Variants in CHGA observed in about 807,000 individuals in gnomAD.
CHGA encodes chromogranin-A.
In CHGA, 41 loss-of-function variants were observed where a neutral mutation model predicts 54.4. The observed-to-expected ratio is 0.75, with a 90% CI of 0.59 to 0.98. The LOEUF is 0.98. CHGA is among the 50% of genes least tolerant of loss of function. The probability of loss-of-function intolerance (pLI) is 0.00; values close to 1 mark genes in which losing one functional copy is unlikely to be tolerated. For synonymous variants in CHGA, 249 were observed against 232.8 expected, an observed-to-expected ratio of 1.07 and a Z score of -0.63; for missense variants, 576 against 582.3, an observed-to-expected ratio of 0.99 and a Z score of 0.11.
intron 4 of CHGA, among the ~76,000 whole-genome samples, 199 bp downstream of exon 4, chr14:92,927,817 G>A (rs1886917418): frequency 6.6e-6 from 1 of 152,234 alleles, no homozygotes; most frequent in South Asian, 2.1e-4. Context: ...GAGAGGTTGA[G>A]TGACTTGTCC....
intron 5 of CHGA, 81 bp from the exon 6 acceptor site, chr14:92,931,169 T>C (rs1886985596): frequency 1.6e-5 from 22 of 1,396,238 alleles, no homozygotes; most frequent in East Asian, 2.3e-5. Context: ...ACATAATGAG[T>C]AACATCTGAA....
chr14:92,932,776 G>A lies in CHGA; in HGVS notation c.1215G>A (p.Ala405=), dbSNP rs367630935. 2.0e-5 allele frequency: 32 copies of A among 1,590,506 alleles called. No homozygotes were observed. Among genetic ancestry groups the A allele is most frequent in the Admixed American group, 1.4e-4 (8 of 57,530 alleles). The change falls in exon 7 of 8, where the codon GCG becomes GCA. Residue 405 remains alanine, a synonymous_variant. Transcript: ENST00000216492. This position sits in a 1 kb window ranked among gnomAD's most constrained non-coding sequence, Gnocchi z 5.3. ...RPSSREDSLE[A]GLPLQVRGYP... ...CCTCCCGGGAGGACAGCCTTGAGGC[G>A]GGCCTGCCCCTCCAGGTCCGAGGCT...
chr14:92,930,578 C>T (rs1452163416), intron 5 of CHGA, among the ~76,000 whole-genome samples: 1 of 152,228 alleles, frequency 6.6e-6, no homozygotes, highest in African/African-American at 2.4e-5. Flanking sequence ...GGGTTCCAGG[C>T]TCAGCTCTGC....
intron 2 of CHGA, 114 bp from the exon 3 acceptor site, chr14:92,926,491 C>T (rs961404968): frequency 8.6e-6 from 7 of 815,518 alleles, no homozygotes; most frequent in Admixed American, 8.2e-5. Flanking sequence ...ATCATGGACT[C>T]CCAAAGACAA....
At chr14:92,922,816 G>T (rs1251962965), upstream of CHGA, among the ~76,000 whole-genome samples, 1 of 152,206 alleles carries the variant, frequency 6.6e-6, no homozygotes, top group Non-Finnish European at 1.5e-5. Context: ...TGCTAGCGCT[G>T]CCAGGGACCT....
At position 92,929,766 on chromosome 14, in the gene CHGA, T is replaced by C. The variant is rs1327908439; in HGVS notation, c.306T>C (p.Asp102=). The change falls in exon 5 of 8, where the codon GAT becomes GAC. Residue 102 remains aspartate, a synonymous_variant. Transcript: ENST00000216492. ...HQQKKHSGFE[D]ELSEVLENQS... ...AGAAGAAACACAGCGGTTTTGAAGA[T>C]GAACTCTCAGAGGTTCTTGAGAACC... 3.7e-6 allele frequency: 6 copies of C among 1,613,638 alleles called. No homozygotes were observed. Among genetic ancestry groups the C allele is most frequent in the Non-Finnish European group, 3.4e-6 (4 of 1,180,036 alleles).
rs534568059 is a variant in CHGA at position 92,932,527 on chromosome 14, C to T, written c.966C>T (p.Ser322=). 25 of 1,553,546 alleles carry T rather than the reference C, an allele frequency of 1.6e-5. No homozygotes were observed. The highest frequency in any genetic ancestry group is 1.1e-4 in the African/African-American group (8 of 73,376). The change falls in exon 7 of 8, where the codon AGC becomes AGT. Residue 322 remains serine, a synonymous_variant. Coordinates refer to ENST00000216492, the MANE Select transcript of CHGA (RefSeq NM_001275.4). This position sits in a 1 kb window ranked among gnomAD's most constrained non-coding sequence, Gnocchi z 5.3. The part of the protein sequence containing the change: ...VPQGLFRGGK[S]GELEQEEERL... Reference sequence around the variant, plus strand: ...AAGGCCTCTTCCGGGGTGGGAAGAGCGGAGAGCTGGAGCAGGAGGAGGAGC... The same window carrying T: ...AAGGCCTCTTCCGGGGTGGGAAGAGTGGAGAGCTGGAGCAGGAGGAGGAGC...
Position 92,932,141 on chromosome 14 carries a change from C to T in CHGA, c.809-229C>T, listed in dbSNP as rs1249401246. The T allele has an allele frequency of 3.8e-6, 2 of 531,116 alleles. No individual in the cohort carries two copies. The highest frequency in any genetic ancestry group is 6.5e-6 in the Non-Finnish European group (2 of 309,744). The allele number at this position is 531,116 out of a possible 1,614,324, so 32.9% of individuals were successfully genotyped here. ...AGGGTCTTTCCTCACTCTCCAGCTG[C>T]CGGGCTTCTGGGGTGAGGATGAGGG... On this transcript the variant is annotated intron_variant, in intron 6 of 7. Coordinates refer to ENST00000216492, the MANE Select transcript of CHGA (RefSeq NM_001275.4). This position sits in a 1 kb window ranked among gnomAD's most constrained non-coding sequence, Gnocchi z 5.3.
chr14:92,923,701 G>A (rs1250276153), intron 1 of CHGA, among the ~76,000 whole-genome samples: 1 of 152,206 alleles, frequency 6.6e-6, no homozygotes, highest in Non-Finnish European at 1.5e-5. Flanking sequence ...TTGCGCGGTG[G>A]CCGGCCAAGG....
chr14:92,926,405 A>G, intron 2 of CHGA, 200 bp from the exon 3 acceptor site: 3 of 587,784 alleles, frequency 5.1e-6, no homozygotes, highest in Admixed American at 2.9e-5. Context: ...CATGGTAAGC[A>G]CTGTGTTAAG....
chr14:92,925,028 C>T (rs975104541), intron 2 of CHGA, among the ~76,000 whole-genome samples: 4 of 152,220 alleles, frequency 2.6e-5, no homozygotes, highest in Admixed American at 6.5e-5. Flanking sequence ...GAGATTCCAA[C>T]CTCTGTTTGC....
In CHGA at chr14:92,931,375, T is replaced by TC; in HGVS notation, c.483dup (p.Lys162GlnfsTer3). On this transcript the variant is annotated frameshift_variant, in exon 6 of 8. Coordinates refer to ENST00000216492, the MANE Select transcript of CHGA (RefSeq NM_001275.4). LOFTEE classifies it high-confidence loss of function. ...GGCCCTCCCGGAGCCCATGCAGGAG[T>TC]CCAAGGCTGAGGGGAACAATCAGGC... 2 of 1,612,438 alleles carry TC rather than the reference T, an allele frequency of 1.2e-6. No homozygotes were observed. Among genetic ancestry groups the TC allele is most frequent in the Non-Finnish European group, 1.7e-6 (2 of 1,179,710 alleles).
intron 4 of CHGA, among the ~76,000 whole-genome samples, chr14:92,929,062 A>G (rs2295395): frequency 0.77 from 117,021 of 152,230 alleles, 45,517 homozygotes; most frequent in East Asian, 0.95. Context: ...AGCTGGGCTA[A>G]CTGAGGGGCC....
intron 4 of CHGA, among the ~76,000 whole-genome samples, chr14:92,928,850 T>C (rs1371636552): frequency 6.6e-6 from 1 of 152,208 alleles, no homozygotes. Context: ...TCCCATAACA[T>C]CTTCTGTGTG....
At chr14:92,924,138 G>A in intron 1 of CHGA, 61 bp from the exon 2 acceptor site, 2 of 1,583,730 alleles carry the variant, frequency 1.3e-6, no homozygotes, top group Non-Finnish European at 8.6e-7. Flanking sequence ...AGCCCGGTCA[G>A]AAAGGACTGG....
chr14:92,932,091 C>A lies in CHGA; in HGVS notation c.809-279C>A. 1 of 460,806 alleles carries A rather than the reference C, an allele frequency of 2.2e-6. No homozygotes were observed. Among genetic ancestry groups the A allele is most frequent in the South Asian group, 3.1e-5 (1 of 32,618 alleles). The allele number at this position is 460,806 out of a possible 1,614,324, so 28.5% of individuals were successfully genotyped here. On this transcript the variant is annotated intron_variant, in intron 6 of 7. Transcript: ENST00000216492. The surrounding 1 kb of genome is among the most constrained non-coding windows in gnomAD (Gnocchi z 5.3). The stretch of plus-strand genomic sequence containing the variant: ...AGCTTCAACTACGGTTTAGGAGAGG[C>A]CCTGGCTCCCGCTGCGGGCCTGTCA...
At chr14:92,925,940 G>C (rs1886878237) in intron 2 of CHGA, among the ~76,000 whole-genome samples, 1 of 152,162 alleles carries the variant, frequency 6.6e-6, no homozygotes, top group Non-Finnish European at 1.5e-5. Context: ...CACCTTTGCA[G>C]GCACAGGATA....
rs933133621 is a variant in CHGA, at chr14:92,923,253, G to A, written c.-107G>A. On this transcript the variant is annotated 5_prime_UTR_variant, in exon 1 of 8. Transcript: ENST00000216492. ...GCCGAGGCACTGCGCCCCCAGCCCC[G>A]CGCCGGTGCCACCGCAGCCCGACCC... The A allele has an allele frequency of 1.9e-6, 2 of 1,065,644 alleles. No individual in the cohort carries two copies. The highest frequency in any genetic ancestry group is 3.6e-5 in the East Asian group (1 of 27,884). The allele number at this position is 1,065,644 out of a possible 1,614,324, so 66.0% of individuals were successfully genotyped here. A position where few individuals can be genotyped will look rare whatever the true frequency, so the allele number is the denominator to read the frequency against.
chr14:92,926,198 G>A lies in CHGA; in HGVS notation c.94-407G>A, dbSNP rs1477752043. 1.5e-5 allele frequency: 3 copies of A among 204,076 alleles called. No homozygotes were observed. The East Asian group carries it at 3.3e-4, about 22-fold the overall frequency. The allele number at this position is 204,076 out of a possible 1,614,324, so 12.6% of individuals were successfully genotyped here. On this transcript the variant is annotated intron_variant, in intron 2 of 7. Transcript: ENST00000216492. ...GGGCAGTCCAGAAGGACTTCCTGGA[G>A]GACCTGACCTTTGGGCATCTTCACG...
Sources: gnomAD v4.1 joint callset for allele counts (sites outside exome capture counted in the v4.1 genomes callset) on GRCh38, gnomAD v4.1.1 for gene constraint, Gnocchi (gnomAD v3.1) non-coding constraint, MANE v1.5 for transcripts, NCBI Gene and HGNC (gene_info 2026-07-23, HGNC 2026-07-21) for gene names.